The following GNG7 variants were observed in gnomAD, a reference collection of about 807,000 sequenced individuals.
GNG7 encodes the protein G protein subunit gamma 7, also known as guanine nucleotide-binding protein G(I)/G(S)/G(O) subunit gamma-7.
GNG7 carries 1 observed loss-of-function variant against 4.0 expected under a neutral mutation model. That is an observed-to-expected ratio of 0.25 (90% CI 0.09 to 1.18). The LOEUF (loss-of-function observed/expected upper bound fraction) is 1.18. Ranked by LOEUF, GNG7 falls within the 50% of genes most tolerant of loss-of-function variation. The pLI is 0.50. For missense variants in GNG7, 86 were observed against 91.9 expected (o/e 0.94, Z 0.26); for synonymous variants, 34 against 36.9 (o/e 0.92, Z 0.29).
At chr19:2,668,432 G>T (rs532598476) in intron 1 of GNG7, among the ~76,000 whole-genome samples, 1 of 152,182 alleles carries the variant, frequency 6.6e-6, no homozygotes, top group South Asian at 2.1e-4. Context: ...GAATGGGAGG[G>T]GTGGGGGAAC....
chr19:2,570,032 C>A (rs552334705), intron 2 of GNG7, among the ~76,000 whole-genome samples: 1 of 151,560 alleles, frequency 6.6e-6, no homozygotes, highest in Non-Finnish European at 1.5e-5. Context: ...GCTGGGTGGG[C>A]GGCATTTGGG....
chr19:2,570,723 G>A (rs1185969726), intron 2 of GNG7, among the ~76,000 whole-genome samples: 1 of 152,210 alleles, frequency 6.6e-6, no homozygotes, highest in Non-Finnish European at 1.5e-5. Flanking sequence ...TCGGACAGTG[G>A]AGAGATGGTA....
At chr19:2,590,614 C>T (rs570590652) in intron 2 of GNG7, among the ~76,000 whole-genome samples, 14 of 127,340 alleles carry the variant, frequency 1.1e-4, no homozygotes, top group African/African-American at 1.9e-4. Context: ...CCCATCCATC[C>T]ATCTATCCAT....
intron 3 of GNG7, among the ~76,000 whole-genome samples, chr19:2,544,256 A>G (rs1312260074): frequency 2.0e-5 from 3 of 152,214 alleles, no homozygotes; most frequent in African/African-American, 7.2e-5. Flanking sequence ...AGGCACTGTG[A>G]GGAACAAGTC....
intron 3 of GNG7, among the ~76,000 whole-genome samples, chr19:2,529,067 A>T (rs2034855390): frequency 6.6e-6 from 1 of 152,180 alleles, no homozygotes; most frequent in Non-Finnish European, 1.5e-5. Context: ...GCAGCAGGGA[A>T]TTGCAACAGC....
intron 2 of GNG7, among the ~76,000 whole-genome samples, chr19:2,592,741 A>AGGGGG (rs146361225): frequency 1.6e-5 from 1 of 62,906 alleles, no homozygotes; most frequent in South Asian, 9.1e-4. Flanking sequence ...AGAGGGAAGG[A>AGGGGG]AGGGGAGGGG....
intron 1 of GNG7, among the ~76,000 whole-genome samples, chr19:2,668,920 AGACATTGCCAAATGTCCCCT>A (rs1983381217): frequency 6.6e-6 from 1 of 152,122 alleles, no homozygotes; most frequent in Non-Finnish European, 1.5e-5. Context: ...AAATGTCCCC[AGACATTGCCAAATGTCCCCT>A]GGGAAGTAGG....
At chr19:2,568,629 AT>A (rs1275203195) in intron 2 of GNG7, among the ~76,000 whole-genome samples, 6 of 135,334 alleles carry the variant, frequency 4.4e-5, no homozygotes, top group Admixed American at 2.5e-4. Context: ...ACATACACAC[AT>A]ATATACACAT....
chr19:2,529,710 G>A (rs1482337703), intron 3 of GNG7, among the ~76,000 whole-genome samples: 1 of 152,232 alleles, frequency 6.6e-6, no homozygotes, highest in Non-Finnish European at 1.5e-5. Flanking sequence ...TCTGGGGACT[G>A]TGAGTTGCAT....
chr19:2,566,453 G>A (rs1480997059), intron 2 of GNG7, among the ~76,000 whole-genome samples: 1 of 152,166 alleles, frequency 6.6e-6, no homozygotes. Flanking sequence ...TGTCTAAACG[G>A]CTAGGTCTGT....
chr19:2,526,529 T>G (rs1184344105), intron 3 of GNG7, among the ~76,000 whole-genome samples: 1 of 148,832 alleles, frequency 6.7e-6, no homozygotes, highest in Non-Finnish European at 1.5e-5. Context: ...CATATTTATA[T>G]TTATGTCATT....
In GNG7 at chr19:2,609,174, GCAC is replaced by G. The variant is rs1981485872; in HGVS notation, c.-78+37047_-78+37049del. Reference sequence around the variant, plus strand: ...CCCGAGTAGCTGGGATTACAGGCATGCACCACCACACCTGGCTAATTTTTAATT... The same window carrying G: ...CCCGAGTAGCTGGGATTACAGGCATGCACCACACCTGGCTAATTTTTAATT... On this transcript the variant is annotated intron_variant, in intron 2 of 4. Coordinates refer to ENST00000382159, the MANE Select transcript of GNG7 (RefSeq NM_052847.3). The surrounding 1 kb of genome is among the most constrained non-coding windows in gnomAD (Gnocchi z 4.4). Among the ~76,000 whole-genome samples the G allele has an allele frequency of 6.6e-6, 1 of 151,984 alleles. No individual in the cohort carries two copies. The highest frequency in any genetic ancestry group is 2.4e-5 in the African/African-American group (1 of 41,360).
At chr19:2,600,013 T>A (rs1981151373) in intron 2 of GNG7, among the ~76,000 whole-genome samples, 1 of 152,006 alleles carries the variant, frequency 6.6e-6, no homozygotes, top group Non-Finnish European at 1.5e-5. Context: ...TTGTACACTT[T>A]AAAAAGTGAA....
chr19:2,642,963 G>A (rs1316662449), intron 2 of GNG7: 8 of 421,586 alleles, frequency 1.9e-5, no homozygotes, highest in Non-Finnish European at 3.2e-5. Flanking sequence ...TGGCCCTGCC[G>A]TCGGCACCCG....
intron 3 of GNG7, among the ~76,000 whole-genome samples, chr19:2,554,044 C>T (rs961950861): frequency 1.5e-5 from 2 of 136,354 alleles, no homozygotes; most frequent in Non-Finnish European, 3.2e-5. Context: ...TGGCGTGCAC[C>T]TATAGTCCCA....
At chr19:2,540,047 TCCCTCCCTTCCTTCCCTCCTCCCTCC>T (rs1326006969) in intron 3 of GNG7, among the ~76,000 whole-genome samples, 1 of 85,000 alleles carries the variant, frequency 1.2e-5, no homozygotes, top group African/African-American at 4.6e-5. Flanking sequence ...CCTCCCTCCC[TCCCTCCCTTCCTTCCCTCCTCCCTCC>T]CTCTCTCTCT....
At position 2,546,960 on chromosome 19, in the gene GNG7, C is replaced by T. The variant is rs1236038607; in HGVS notation, c.-38+8189G>A. 1.3e-5 allele frequency among the ~76,000 whole-genome samples: 2 copies of T among 152,044 alleles called. No homozygotes were observed. The highest frequency in any genetic ancestry group is 2.4e-5 in the African/African-American group (1 of 41,402). On this transcript the variant is annotated intron_variant, in intron 3 of 4. Coordinates refer to ENST00000382159, the MANE Select transcript of GNG7 (RefSeq NM_052847.3). The surrounding 1 kb of genome is among the most constrained non-coding windows in gnomAD (Gnocchi z 6.3). Reference sequence around the variant, plus strand: ...GGCCCCGGGCCAGGGCAAGGGGCAGCGCCGGCCTCGTGACGGTGGTGCTCG... The same window carrying T: ...GGCCCCGGGCCAGGGCAAGGGGCAGTGCCGGCCTCGTGACGGTGGTGCTCG...
At chr19:2,583,442 C>T (rs1474158781) in intron 2 of GNG7, among the ~76,000 whole-genome samples, 1 of 152,300 alleles carries the variant, frequency 6.6e-6, no homozygotes, top group African/African-American at 2.4e-5. Flanking sequence ...TTGGGGAGGA[C>T]CAAGAGCTCT....
chr19:2,648,379 G>A (rs1310682979), intron 1 of GNG7, among the ~76,000 whole-genome samples: 1 of 152,122 alleles, frequency 6.6e-6, no homozygotes, highest in Non-Finnish European at 1.5e-5. Flanking sequence ...CTGGGCAACA[G>A]AGCACGGCAC....
Sources: allele counts gnomAD v4.1 joint callset (sites outside exome capture counted in the v4.1 genomes callset), GRCh38; gene constraint gnomAD v4.1.1; non-coding constraint Gnocchi (gnomAD v3.1); transcripts MANE v1.5; gene names NCBI Gene and HGNC (gene_info 2026-07-23, HGNC 2026-07-21).